The following CCL17 variants were observed in gnomAD, a reference collection of about 807,000 sequenced individuals.
The protein encoded by CCL17 is C-C motif chemokine 17.
Under a neutral mutation model 7.4 loss-of-function variants are expected in CCL17, and 8 were observed. The observed-to-expected ratio is 1.09, with a 90% CI of 0.64 to 1.96. The LOEUF (loss-of-function observed/expected upper bound fraction) is 1.96, where lower values mean the gene tolerates loss of function less well. Among genes scored for constraint, CCL17 ranks in the 30% most tolerant of loss-of-function variants. CCL17 has a pLI of 0.00. For synonymous variants in CCL17, 40 were observed against 46.1 expected (o/e 0.87, Z 0.54); for missense variants, 102 against 113.0 (o/e 0.90, Z 0.44).
chr16:57,396,950 T>C, the CCL17 span, among the ~76,000 whole-genome samples: 1 of 152,156 alleles, frequency 6.6e-6, no homozygotes, highest in South Asian at 2.1e-4. Flanking sequence ...AAAAGCTGGA[T>C]TGCGAAGCTT....
upstream of CCL17, among the ~76,000 whole-genome samples, chr16:57,403,449 ATAT>A (rs1386881396): frequency 0.044 from 501 of 11,514 alleles, 95 homozygotes; most frequent in Middle Eastern, 0.17. Context: ...TATATATATT[ATAT>A]TATAATATAT....
intron 1 of CCL17, among the ~76,000 whole-genome samples, chr16:57,408,536 A>G (rs1902734067): frequency 6.6e-6 from 1 of 151,818 alleles, no homozygotes; most frequent in African/African-American, 2.4e-5. Flanking sequence ...CTCGGCCTCC[A>G]GAGTAGCTGG....
intron 1 of CCL17, among the ~76,000 whole-genome samples, chr16:57,409,876 C>G (rs1426990750): frequency 6.6e-6 from 1 of 152,200 alleles, no homozygotes; most frequent in Non-Finnish European, 1.5e-5. Context: ...TGGCCCCGAT[C>G]CCTGATTCCC....
upstream of CCL17, among the ~76,000 whole-genome samples, chr16:57,402,972 C>T (rs1312346427): frequency 1.6e-5 from 2 of 124,540 alleles, no homozygotes; most frequent in Non-Finnish European, 3.2e-5. Context: ...AAACAGCAGA[C>T]ATAAGTAAGC....
chr16:57,407,530 C>T (rs540442479), intron 1 of CCL17, among the ~76,000 whole-genome samples: 1 of 152,280 alleles, frequency 6.6e-6, no homozygotes, highest in Admixed American at 6.5e-5. Context: ...AGTGACCATC[C>T]ATCTATCCAT....
intron 1 of CCL17, among the ~76,000 whole-genome samples, chr16:57,412,481 A>G (rs1167765340): frequency 1.4e-4 from 21 of 152,364 alleles, no homozygotes; most frequent in African/African-American, 4.8e-4. Context: ...TCTAAAAACA[A>G]GAAACAAAAA....
intron 2 of CCL17, among the ~76,000 whole-genome samples, chr16:57,414,589 T>C (rs1250134710): frequency 6.6e-6 from 1 of 151,612 alleles, no homozygotes; most frequent in Non-Finnish European, 1.5e-5. Flanking sequence ...CACCAATGGG[T>C]TTTCACCATG....
At chr16:57,412,525 T>C (rs140593989) in intron 1 of CCL17, among the ~76,000 whole-genome samples, 1 of 152,326 alleles carries the variant, frequency 6.6e-6, no homozygotes, top group African/African-American at 2.4e-5. Flanking sequence ...GCAGTTATCA[T>C]GACAGTTAGT....
chr16:57,403,628 TTATATATATTATAAATATATATAATATA>T (rs1902650858), upstream of CCL17, among the ~76,000 whole-genome samples: 1 of 80,252 alleles, frequency 1.2e-5, no homozygotes, highest in African/African-American at 5.0e-5. Flanking sequence ...ATAATATATA[TTATATATATTATAAATATATATAATATA>T]TATATATATA....
chr16:57,415,088 G>A lies in CCL17; in HGVS notation c.78G>A (p.Gly26=). ...CCGCTCCTCTCCCTGCAGCTCGAGGGACCAATGTGGGCCGGGAGTGCTGCC... is the reference window on the plus strand; with the variant it reads ...CCGCTCCTCTCCCTGCAGCTCGAGGAACCAATGTGGGCCGGGAGTGCTGCC... The part of the protein sequence containing the change: ...ASLQHIHAAR[G]TNVGRECCLE... The change falls in exon 3 of 4, where the codon GGG becomes GGA. Residue 26 remains glycine, a synonymous_variant. Transcript: ENST00000219244. The surrounding 1 kb of genome is among the most constrained non-coding windows in gnomAD (Gnocchi z 4.5). The A allele has an allele frequency of 6.2e-7, 1 of 1,612,626 alleles. No individual in the cohort carries two copies.
At chr16:57,403,469 T>TATATATTATATTATAA (rs1567561055), upstream of CCL17, among the ~76,000 whole-genome samples, 1 of 6,884 alleles carries the variant, frequency 1.5e-4, no homozygotes, top group African/African-American at 5.2e-4. Flanking sequence ...ATATATTATA[T>TATATATTATATTATAA]TATATATATT....
chr16:57,402,010 G>A (rs569624520), upstream of CCL17, among the ~76,000 whole-genome samples: 19 of 152,378 alleles, frequency 1.2e-4, no homozygotes, highest in African/African-American at 4.3e-4. Context: ...GCAGAGCCCA[G>A]GCAAGGCAGA....
chr16:57,405,804 C>T (rs370597684), intron 1 of CCL17, among the ~76,000 whole-genome samples: 1 of 151,014 alleles, frequency 6.6e-6, no homozygotes, highest in African/African-American at 2.4e-5. Flanking sequence ...GAGGCCGAGG[C>T]AGGTGGATCA....
At chr16:57,414,969 A>G (rs1391248064) in intron 2 of CCL17, 112 bp from the exon 3 acceptor site, 13 of 738,386 alleles carry the variant, frequency 1.8e-5, no homozygotes, top group Non-Finnish European at 3.0e-5. Flanking sequence ...CATCACACAC[A>G]GATGCACACA....
chr16:57,403,650 T>TTATA (rs1567561287), upstream of CCL17, among the ~76,000 whole-genome samples: 2 of 90,918 alleles, frequency 2.2e-5, no homozygotes, highest in South Asian at 2.9e-4. Flanking sequence ...TAAATATATA[T>TTATA]AATATATATA....
the CCL17 span, among the ~76,000 whole-genome samples, chr16:57,398,758 T>C: frequency 6.6e-6 from 1 of 152,160 alleles, no homozygotes; most frequent in African/African-American, 2.4e-5. Context: ...AGCTAGAAAG[T>C]TCAAGATATC....
upstream of CCL17, among the ~76,000 whole-genome samples, chr16:57,401,564 A>G (rs1256446483): frequency 6.6e-6 from 1 of 152,068 alleles, no homozygotes; most frequent in Non-Finnish European, 1.5e-5. Flanking sequence ...TGCATGAACA[A>G]TGCTATATAT....
upstream of CCL17, among the ~76,000 whole-genome samples, chr16:57,403,120 AAT>A (rs1292027455): frequency 2.8e-5 from 3 of 106,870 alleles, no homozygotes; most frequent in South Asian, 2.6e-4. Context: ...ATATATTTAT[AAT>A]ATATATAATA....
At chr16:57,403,744 C>T (rs113407658), upstream of CCL17, among the ~76,000 whole-genome samples, 1 of 137,140 alleles carries the variant, frequency 7.3e-6, no homozygotes, top group African/African-American at 2.8e-5. Flanking sequence ...GCAACCTCTG[C>T]CTCCTGGGTT....
Sources: gnomAD v4.1 joint callset for allele counts (sites outside exome capture counted in the v4.1 genomes callset) on GRCh38, gnomAD v4.1.1 for gene constraint, Gnocchi (gnomAD v3.1) non-coding constraint, MANE v1.5 for transcripts, NCBI Gene and HGNC (gene_info 2026-07-23, HGNC 2026-07-21) for gene names.